Variants in TEX11 observed in about 807,000 individuals in gnomAD.
TEX11 encodes testis expressed 11.
TEX11 carries 7 observed loss-of-function variants against 84.4 expected under a neutral mutation model. That is an observed-to-expected ratio of 0.08 (90% CI 0.05 to 0.16). The LOEUF (loss-of-function observed/expected upper bound fraction) is 0.16. Ranked by LOEUF, TEX11 falls within the 10% of genes least tolerant of loss-of-function variation. The pLI is 1.00. For missense variants in TEX11, 551 were observed against 660.5 expected, an observed-to-expected ratio of 0.83 and a Z score of 1.82; for synonymous variants, 264 against 222.8, an observed-to-expected ratio of 1.18 and a Z score of -1.64.
rs760837839 is a variant in TEX11, at chrX:70,628,431, C to T, written c.1608+1180G>A. Reference sequence around the variant, plus strand: ...CTTTCCAAAGCCCAACTTAAGGTTTCCTTCCGCTGTAGAGACTTCCCAAAT... The same window carrying T: ...CTTTCCAAAGCCCAACTTAAGGTTTTCTTCCGCTGTAGAGACTTCCCAAAT... On this transcript the variant is annotated intron_variant, in intron 18 of 29. Coordinates refer to ENST00000374333, the MANE Select transcript of TEX11 (RefSeq NM_031276.3). Among the ~76,000 whole-genome samples the T allele has an allele frequency of 7.2e-5, 8 of 111,342 alleles. No individual in the cohort carries two copies. In the South Asian group the frequency reaches 3.0e-3, roughly 42 times the overall value.
intron 9 of TEX11, among the ~76,000 whole-genome samples, chrX:70,753,914 C>G (rs901401575): frequency 1.8e-5 from 2 of 111,072 alleles, no homozygotes; most frequent in African/African-American, 3.3e-5. Context: ...ACCAAAGAGC[C>G]CTTGGGCCCT....
At chrX:70,732,149 T>C (rs1401698744) in intron 11 of TEX11, among the ~76,000 whole-genome samples, 3 of 111,652 alleles carry the variant, frequency 2.7e-5, no homozygotes, top group African/African-American at 9.8e-5. Context: ...TGATGGGATG[T>C]ATCTCAAAAT....
rs750145943 is a variant in TEX11, at chrX:70,845,408, C to T, written c.525+7626G>A. On this transcript the variant is annotated intron_variant, in intron 7 of 29. Coordinates refer to ENST00000374333, the MANE Select transcript of TEX11 (RefSeq NM_031276.3). ...AACTCCTGACCTCAGGCGATCCGCC[C>T]GCCTCGGCCTCCCAAAGTGATGGGA... 2.3e-3 allele frequency among the ~76,000 whole-genome samples: 250 copies of T among 110,674 alleles called. 1 individual carries two copies. The highest frequency in any genetic ancestry group is 7.9e-3 in the African/African-American group (242 of 30,556).
chrX:70,829,713 T>TTGTG (rs755199889), intron 8 of TEX11, among the ~76,000 whole-genome samples: 5 of 107,218 alleles, frequency 4.7e-5, no homozygotes, highest in African/African-American at 1.7e-4. Context: ...TTTTATTAGT[T>TTGTG]TGTGTGTGTG....
intron 5 of TEX11, among the ~76,000 whole-genome samples, chrX:70,854,771 C>T (rs1045068810): frequency 3.1e-4 from 34 of 108,302 alleles, no homozygotes; most frequent in Admixed American, 1.9e-3. Flanking sequence ...TTAGGCCAGG[C>T]GCCGTGGCTC....
chrX:70,636,069 T>G (rs1013482376), intron 17 of TEX11, among the ~76,000 whole-genome samples: 5 of 110,191 alleles, frequency 4.5e-5, no homozygotes. Flanking sequence ...TGCAGCCAGG[T>G]TCCAGGACAG....
intron 16 of TEX11, among the ~76,000 whole-genome samples, chrX:70,656,111 G>GTGTATA (rs2089862250): frequency 3.1e-5 from 2 of 63,770 alleles, no homozygotes; most frequent in African/African-American, 8.3e-5. Flanking sequence ...AAAGGTAGCT[G>GTGTATA]TGTATATATA....
At chrX:70,860,161 G>T (rs2091561282) in intron 5 of TEX11, among the ~76,000 whole-genome samples, 1 of 111,733 alleles carries the variant, frequency 8.9e-6, no homozygotes, top group Non-Finnish European at 1.9e-5. Context: ...GAAGGCATTG[G>T]AGTGGCTACA....
chrX:70,853,366 C>T, intron 5 of TEX11, 38 bp from the exon 6 acceptor site: 1 of 968,589 alleles, frequency 1.0e-6, no homozygotes, highest in Non-Finnish European at 1.5e-6. Context: ...TTTAAAAATT[C>T]ATACCTCCCC....
intron 9 of TEX11, among the ~76,000 whole-genome samples, chrX:70,782,737 C>T (rs907740918): frequency 9.4e-6 from 1 of 106,174 alleles, no homozygotes; most frequent in African/African-American, 3.5e-5. Context: ...ACAAAGAAGG[C>T]CATTACATAA....
intron 9 of TEX11, among the ~76,000 whole-genome samples, chrX:70,784,359 C>T (rs1230356358): frequency 2.7e-5 from 3 of 111,344 alleles, no homozygotes. Flanking sequence ...CTGACAAAAC[C>T]CACAGCCAAT....
chrX:70,876,788 G>A (rs1307836886), intron 3 of TEX11, among the ~76,000 whole-genome samples: 3 of 110,900 alleles, frequency 2.7e-5, no homozygotes, highest in African/African-American at 9.8e-5. Context: ...TGGGTATGGT[G>A]GCACATGCCT....
intron 9 of TEX11, among the ~76,000 whole-genome samples, chrX:70,758,640 G>A (rs761407591): frequency 8.9e-6 from 1 of 112,168 alleles, no homozygotes; most frequent in African/African-American, 3.2e-5. Flanking sequence ...GAAATTTATA[G>A]CACTAAATGC....
At chrX:70,618,036 A>C (rs1462363385) in intron 20 of TEX11, among the ~76,000 whole-genome samples, 2 of 112,199 alleles carry the variant, frequency 1.8e-5, no homozygotes, top group Non-Finnish European at 3.8e-5. Context: ...GGCTACCATC[A>C]GATCAAAGAA....
In TEX11 at chrX:70,740,547, T is replaced by C. The variant is rs147325475; in HGVS notation, c.843+154A>G. On this transcript the variant is annotated intron_variant, in intron 11 of 29. Coordinates refer to ENST00000374333, the MANE Select transcript of TEX11 (RefSeq NM_031276.3). ...TGCGGGGACACAAACATTCAGATTA[T>C]AGCAATATTTTATTTTTCCTTTCTG... 4.5e-5 allele frequency among the ~76,000 whole-genome samples: 5 copies of C among 111,998 alleles called. No individual in the cohort carries two copies. In the East Asian group the frequency reaches 8.3e-4, roughly 19 times the overall value.
the TEX11 span, among the ~76,000 whole-genome samples, chrX:70,519,845 C>T: frequency 5.4e-5 from 6 of 111,680 alleles, no homozygotes; most frequent in African/African-American, 2.0e-4. Context: ...AACTTCTCTT[C>T]TCACTGCATT....
chrX:70,856,161 C>T (rs1025265370), intron 5 of TEX11, among the ~76,000 whole-genome samples: 3 of 111,462 alleles, frequency 2.7e-5, no homozygotes, highest in African/African-American at 9.8e-5. Context: ...TAATAAGGTA[C>T]ATACAGCAAT....
intron 25 of TEX11, among the ~76,000 whole-genome samples, chrX:70,569,846 G>A (rs922541564): frequency 3.6e-5 from 4 of 111,860 alleles, no homozygotes; most frequent in African/African-American, 6.5e-5. Context: ...TAGGCTGCTC[G>A]GGGGTCGGTG....
chrX:70,694,477 T>C (rs2090263597), intron 13 of TEX11, among the ~76,000 whole-genome samples: 1 of 111,961 alleles, frequency 8.9e-6, no homozygotes, highest in Non-Finnish European at 1.9e-5. Context: ...ATGCTCAACA[T>C]TATTAGTCAT....
Sources: allele counts gnomAD v4.1 joint callset (sites outside exome capture counted in the v4.1 genomes callset), GRCh38; gene constraint gnomAD v4.1.1; transcripts MANE v1.5; gene names NCBI Gene and HGNC (gene_info 2026-07-23, HGNC 2026-07-21).